Variants in PPP2R2A observed in about 807,000 individuals in gnomAD.
PPP2R2A encodes the protein serine/threonine-protein phosphatase 2A 55 kDa regulatory subunit B alpha isoform.
Under a neutral mutation model 53.2 loss-of-function variants are expected in PPP2R2A, and 9 were observed. The ratio of observed to expected loss-of-function variants is 0.17; its 90% CI spans 0.10 to 0.30. The LOEUF (loss-of-function observed/expected upper bound fraction) is 0.30, where lower values mean the gene tolerates loss of function less well. PPP2R2A is among the 10% of genes least tolerant of loss of function. The probability of loss-of-function intolerance (pLI) is 1.00; values close to 1 mark genes in which losing one functional copy is unlikely to be tolerated. For synonymous variants in PPP2R2A, 169 were observed against 174.2 expected, an observed-to-expected ratio of 0.97 and a Z score of 0.23; for missense variants, 235 against 534.6, an observed-to-expected ratio of 0.44 and a Z score of 5.53.
intron 2 of PPP2R2A, among the ~76,000 whole-genome samples, chr8:26,329,870 A>G (rs1462985507): frequency 2.0e-5 from 3 of 152,228 alleles, no homozygotes; most frequent in African/African-American, 7.2e-5. Context: ...TTGCAAAATC[A>G]CATCACTACT....
intron 2 of PPP2R2A, among the ~76,000 whole-genome samples, chr8:26,337,049 A>G (rs1430134722): frequency 6.6e-6 from 1 of 152,146 alleles, no homozygotes; most frequent in Non-Finnish European, 1.5e-5. Flanking sequence ...GGTGGATGCA[A>G]CAACTTGGAC....
intron 3 of PPP2R2A, among the ~76,000 whole-genome samples, chr8:26,351,091 A>C (rs1165263948): frequency 6.6e-6 from 1 of 152,142 alleles, no homozygotes; most frequent in African/African-American, 2.4e-5. Context: ...ATATTTTTAT[A>C]AATAGAGATT....
At chr8:26,351,958 T>C (rs1461314301) in intron 3 of PPP2R2A, among the ~76,000 whole-genome samples, 1 of 152,248 alleles carries the variant, frequency 6.6e-6, no homozygotes, top group East Asian at 1.9e-4. Context: ...TGAAAGTCTT[T>C]ATTGAATGCC....
chr8:26,365,703 A>C lies in PPP2R2A; in HGVS notation c.973-612A>C, dbSNP rs1805336833. ...CCTTTTTTGACATATTAGTAAATACAGAATTATATAATTCAAAAAACAGGC... is the reference window on the plus strand; with the variant it reads ...CCTTTTTTGACATATTAGTAAATACCGAATTATATAATTCAAAAAACAGGC... On this transcript the variant is annotated intron_variant, in intron 8 of 9. Coordinates refer to ENST00000380737, the MANE Select transcript of PPP2R2A (RefSeq NM_002717.4). 8 of 152,190 alleles carry C rather than the reference A, an allele frequency of 5.3e-5. No individual in the cohort carries two copies. In the South Asian group the frequency reaches 1.7e-3, roughly 31 times the overall value. 9.4% of individuals were successfully genotyped at this position (152,190 alleles called of 1,614,324 possible).
chr8:26,340,143 TTC>T (rs1445567571), intron 3 of PPP2R2A, among the ~76,000 whole-genome samples: 4 of 152,000 alleles, frequency 2.6e-5, no homozygotes, highest in Non-Finnish European at 5.9e-5. Flanking sequence ...TAAATCAGTT[TTC>T]TGTTTTTAAG....
At chr8:26,334,662 G>T (rs1455463750) in intron 2 of PPP2R2A, among the ~76,000 whole-genome samples, 3 of 151,880 alleles carry the variant, frequency 2.0e-5, no homozygotes, top group Non-Finnish European at 2.9e-5. Flanking sequence ...GGAGAATGGC[G>T]TGAACCCGGG....
chr8:26,294,989 A>G (rs1008266932), intron 2 of PPP2R2A, among the ~76,000 whole-genome samples: 5 of 152,164 alleles, frequency 3.3e-5, no homozygotes, highest in African/African-American at 4.8e-5. Flanking sequence ...GTGGTGTTTG[A>G]CTTGTTCAGA....
In PPP2R2A at chr8:26,361,045, A is replaced by T. The variant is rs375959689; in HGVS notation, c.531A>T (p.Thr177=). ...SPRRIFANAH[T]YHINSISINS... is the part of the protein sequence containing the mutation. The stretch of plus-strand genomic sequence containing the variant: ...GAAGAATATTTGCCAATGCTCATAC[A>T]TATCACATCAACTCAATTTCTATTA... Residue 177 remains threonine, a synonymous_variant, in exon 6 of 10, where the codon ACA becomes ACT. Coordinates refer to ENST00000380737, the MANE Select transcript of PPP2R2A (RefSeq NM_002717.4). 5.0e-6 allele frequency: 8 copies of T among 1,608,902 alleles called. No individual in the cohort carries two copies. The highest frequency in any genetic ancestry group is 6.8e-6 in the Non-Finnish European group (8 of 1,179,024).
At chr8:26,347,712 A>T in intron 3 of PPP2R2A, among the ~76,000 whole-genome samples, 1 of 151,994 alleles carries the variant, frequency 6.6e-6, no homozygotes, top group Non-Finnish European at 1.5e-5. Flanking sequence ...TATCTCTCCC[A>T]CTATATTATT....
rs1421648506 is a variant in PPP2R2A at position 26,292,353 on chromosome 8, T to G, written c.7+527T>G. ...TTTTCCCCACTGTAGATGCCAATAT[T>G]TTTGAGACTGGAAGCCTAAATTTTT... On this transcript the variant is annotated intron_variant, in intron 1 of 9. Transcript: ENST00000380737. The G allele has an allele frequency of 7.1e-6, 7 of 986,182 alleles. No individual in the cohort carries two copies. In the Admixed American group the frequency reaches 4.3e-4, roughly 61 times the overall value. 61.1% of individuals were successfully genotyped at this position (986,182 alleles called of 1,614,324 possible). A position where few individuals can be genotyped will look rare whatever the true frequency, so the allele number is the denominator to read the frequency against.
chr8:26,355,570 G>A (rs76230997), intron 4 of PPP2R2A, among the ~76,000 whole-genome samples: 20,197 of 152,116 alleles, frequency 0.13, 1,514 homozygotes, highest in African/African-American at 0.2. Flanking sequence ...AGGATTAAAA[G>A]TTAGTAATGA....
Position 26,363,897 on chromosome 8 carries a change from G to T in PPP2R2A, c.972+7G>T. 1 of 1,574,956 alleles carries T rather than the reference G, an allele frequency of 6.3e-7. No individual in the cohort carries two copies. Among genetic ancestry groups the T allele is most frequent in the East Asian group, 2.3e-5 (1 of 44,084 alleles). Reference sequence around the variant, plus strand: ...GCCTGTGGAAACATACCAGGTATTTGAGTTTTTTCTTTCAATGAGCATATA... The same window carrying T: ...GCCTGTGGAAACATACCAGGTATTTTAGTTTTTTCTTTCAATGAGCATATA... On this transcript the variant is annotated splice_region_variant and intron_variant, in intron 8 of 9. Transcript: ENST00000380737.
Position 26,370,131 on chromosome 8 carries a change from C to A in PPP2R2A, c.1065-3C>A, listed in dbSNP as rs1246734275. On this transcript the variant is annotated splice_region_variant and splice_polypyrimidine_tract_variant and intron_variant, in intron 9 of 9. Coordinates refer to ENST00000380737, the MANE Select transcript of PPP2R2A (RefSeq NM_002717.4). The surrounding 1 kb of genome is among the most constrained non-coding windows in gnomAD (Gnocchi z 6.1). The stretch of plus-strand genomic sequence containing the variant: ...TGACTGAGTGTACTGTCTATTTTCA[C>A]AGTGTTGTCATGACTGGATCTTACA... 6.2e-7 allele frequency: 1 copy of A among 1,611,720 alleles called. No homozygotes were observed. Among genetic ancestry groups the A allele is most frequent in the Admixed American group, 1.7e-5 (1 of 59,902 alleles).
Position 26,338,177 on chromosome 8 carries a change from C to CT in PPP2R2A, c.83-706dup, listed in dbSNP as rs1316246845. On this transcript the variant is annotated intron_variant, in intron 2 of 9. Transcript: ENST00000380737. This position sits in a 1 kb window ranked among gnomAD's most constrained non-coding sequence, Gnocchi z 4.5. ...CTTATGCCCATTTCTGTAATTTAGA[C>CT]TTTTTTTCTTAGGAAAAGGGCTCTA... Among the ~76,000 whole-genome samples the CT allele has an allele frequency of 6.6e-6, 1 of 152,108 alleles. No homozygotes were observed. Among genetic ancestry groups the CT allele is most frequent in the Non-Finnish European group, 1.5e-5 (1 of 68,008 alleles).
Position 26,338,578 on chromosome 8 carries a change from TG to T in PPP2R2A, c.83-311del, listed in dbSNP as rs1803782868. On this transcript the variant is annotated intron_variant, in intron 2 of 9. Transcript: ENST00000380737. This position sits in a 1 kb window ranked among gnomAD's most constrained non-coding sequence, Gnocchi z 4.5. ...AAATTAGCAAGATAATGTTTAAGGGTGCTATCAGAATGATTCACAAATTGTT... is the reference window on the plus strand; with the variant it reads ...AAATTAGCAAGATAATGTTTAAGGGTCTATCAGAATGATTCACAAATTGTT... Among the ~76,000 whole-genome samples, 1 of 152,240 alleles carries T rather than the reference TG, an allele frequency of 6.6e-6. No homozygotes were observed. Among genetic ancestry groups the T allele is most frequent in the African/African-American group, 2.4e-5 (1 of 41,460 alleles).
At chr8:26,307,171 G>A (rs1802061742) in intron 2 of PPP2R2A, among the ~76,000 whole-genome samples, 1 of 152,204 alleles carries the variant, frequency 6.6e-6, no homozygotes, top group African/African-American at 2.4e-5. Flanking sequence ...GAGAGTTGCT[G>A]AGAAGGTTGT....
In PPP2R2A at chr8:26,291,569, T is replaced by C. The variant is rs975675782; in HGVS notation, c.-251T>C. 3 of 527,526 alleles carry C rather than the reference T, an allele frequency of 5.7e-6. No homozygotes were observed. The highest frequency in any genetic ancestry group is 2.2e-5 in the South Asian group (1 of 44,982). The allele number at this position is 527,526 out of a possible 1,614,324, so 32.7% of individuals were successfully genotyped here. ...GCCCCTGCCGCTGCCGCCGCCGCCG[T>C]CGCTGTCGTAGTCGCCGCCGCCGCT... On this transcript the variant is annotated 5_prime_UTR_variant, in exon 1 of 10. Coordinates refer to ENST00000380737, the MANE Select transcript of PPP2R2A (RefSeq NM_002717.4).
chr8:26,314,002 T>G (rs1802419102), intron 2 of PPP2R2A, among the ~76,000 whole-genome samples: 1 of 152,216 alleles, frequency 6.6e-6, no homozygotes, highest in Non-Finnish European at 1.5e-5. Context: ...ATTCTGATTT[T>G]TTTCTATTAT....
In PPP2R2A at chr8:26,360,008, T is replaced by G. The variant is rs1403124909; in HGVS notation, c.347-161T>G. Among the ~76,000 whole-genome samples the G allele has an allele frequency of 6.6e-6, 1 of 152,076 alleles. No individual in the cohort carries two copies. Among genetic ancestry groups the G allele is most frequent in the Non-Finnish European group, 1.5e-5 (1 of 68,008 alleles). On this transcript the variant is annotated intron_variant, in intron 4 of 9. Transcript: ENST00000380737. The surrounding 1 kb of genome is among the most constrained non-coding windows in gnomAD (Gnocchi z 4.5). ...TGCACTTTATTTCCATGTGTGTATG[T>G]TATTCAGCTGATAATAGGAAATTTT...
Sources: gnomAD v4.1 joint callset for allele counts (sites outside exome capture counted in the v4.1 genomes callset) on GRCh38, gnomAD v4.1.1 for gene constraint, Gnocchi (gnomAD v3.1) non-coding constraint, MANE v1.5 for transcripts, NCBI Gene and HGNC (gene_info 2026-07-23, HGNC 2026-07-21) for gene names.